Variants in MID1 observed in about 807,000 individuals in gnomAD.
The protein encoded by MID1 is midline 1.
In MID1, 7 loss-of-function variants were observed where a neutral mutation model predicts 40.4. The ratio of observed to expected loss-of-function variants is 0.17; its 90% CI spans 0.10 to 0.33. MID1 has a LOEUF of 0.33. Among genes scored for constraint, MID1 ranks in the 10% least tolerant of loss-of-function variants. The pLI, the probability that MID1 is intolerant of heterozygous loss-of-function variation, is 1.00. For synonymous variants in MID1, 229 were observed against 221.2 expected, an observed-to-expected ratio of 1.04 and a Z score of -0.31; for missense variants, 367 against 558.5, an observed-to-expected ratio of 0.66 and a Z score of 3.46.
chrX:10,451,344 C>T (rs1045237412), intron 9 of MID1, among the ~76,000 whole-genome samples: 5 of 111,405 alleles, frequency 4.5e-5, no homozygotes, highest in South Asian at 3.8e-4. Context: ...AGACAGTAGA[C>T]GTGCGGTTGG....
intron 1 of MID1, among the ~76,000 whole-genome samples, chrX:10,697,755 T>C (rs769617491): frequency 1.8e-5 from 2 of 111,467 alleles, no homozygotes; most frequent in South Asian, 7.6e-4. Context: ...ATGTGGTGTA[T>C]GGTGATTGAA....
At chrX:10,813,186 A>G (rs1368915885) in intron 1 of MID1, among the ~76,000 whole-genome samples, 1 of 110,627 alleles carries the variant, frequency 9.0e-6, no homozygotes, top group South Asian at 3.9e-4. Context: ...TTATGGAGAA[A>G]GTGCAAAAAT....
chrX:10,666,271 C>T (rs2042950382), intron 1 of MID1, among the ~76,000 whole-genome samples: 1 of 110,493 alleles, frequency 9.1e-6, no homozygotes, highest in Non-Finnish European at 1.9e-5. Context: ...TGATGTCTTT[C>T]CCCTAGGATT....
chrX:10,501,730 G>C (rs1302427382), intron 3 of MID1, among the ~76,000 whole-genome samples: 1 of 111,660 alleles, frequency 9.0e-6, no homozygotes, highest in African/African-American at 3.3e-5. Flanking sequence ...AGTTGCTACT[G>C]GGTGCACGGT....
intron 1 of MID1, among the ~76,000 whole-genome samples, chrX:10,686,597 A>G (rs191577465): frequency 1.8e-5 from 2 of 112,172 alleles, no homozygotes; most frequent in African/African-American, 6.5e-5. Context: ...TCCCAACACT[A>G]TTATAAAAAA....
In MID1 at chrX:10,461,138, T is replaced by TACACACACACACACACACACAC. The variant is rs200040870; in HGVS notation, c.1286-1353_1286-1332dup. ...TATATCATCTAAAGATATCTAAAGA[T>TACACACACACACACACACACAC]ACACACACACACACACACACACACA... On this transcript the variant is annotated intron_variant, in intron 7 of 9. Transcript: ENST00000317552. Among the ~76,000 whole-genome samples the TACACACACACACACACACACAC allele has an allele frequency of 4.8e-3, 467 of 96,716 alleles. 5 individuals are homozygous for TACACACACACACACACACACAC. Among genetic ancestry groups the TACACACACACACACACACACAC allele is most frequent in the African/African-American group, 8.8e-3 (224 of 25,549 alleles). The allele number at this position is 96,716 out of a possible 115,157, so 84.0% of individuals were successfully genotyped here.
Position 10,609,695 on chromosome X carries a change from TTTTCTTTC to T in MID1, c.-57+10587_-57+10594del, listed in dbSNP as rs1201943270. On this transcript the variant is annotated intron_variant, in intron 1 of 9. Transcript: ENST00000317552. ...AAACATCGTTGTACTAGACCTGGCA[TTTTCTTTC>T]TTTCTTTCTTTCTTTTTTTTTTTTT... Among the ~76,000 whole-genome samples the T allele has an allele frequency of 7.6e-3, 824 of 107,737 alleles. 9 individuals carry two copies. The highest frequency in any genetic ancestry group is 0.013 in the Non-Finnish European group (657 of 52,212). 93.6% of individuals were successfully genotyped at this position (107,737 alleles called of 115,157 possible).
At chrX:10,657,745 C>T (rs182371470) in intron 1 of MID1, among the ~76,000 whole-genome samples, 9 of 112,317 alleles carry the variant, frequency 8.0e-5, no homozygotes, top group East Asian at 5.6e-4. Context: ...TATGGTTCTT[C>T]GTCCAAAAGC....
intron 3 of MID1, among the ~76,000 whole-genome samples, chrX:10,519,909 G>C (rs1443623622): frequency 8.9e-6 from 1 of 112,099 alleles, no homozygotes; most frequent in African/African-American, 3.2e-5. Context: ...TAAAAGCACA[G>C]ACTTTACAAA....
intron 8 of MID1, among the ~76,000 whole-genome samples, chrX:10,455,937 G>A (rs1928637893): frequency 8.9e-6 from 1 of 111,968 alleles, no homozygotes; most frequent in African/African-American, 3.2e-5. Context: ...CTTCTTCTTT[G>A]ACAATTCAAT....
At chrX:10,765,926 AGGAAAGGAAAGGAAAG>A (rs1416099092) in intron 1 of MID1, among the ~76,000 whole-genome samples, 2 of 90,616 alleles carry the variant, frequency 2.2e-5, no homozygotes, top group African/African-American at 9.9e-5. Context: ...AAAGAAAGAA[AGGAAAGGAAAGGAAAG>A]GAAAGAAAGA....
intron 1 of MID1, among the ~76,000 whole-genome samples, chrX:10,704,739 TACACAC>T (rs1189463440): frequency 9.7e-5 from 8 of 82,182 alleles, no homozygotes; most frequent in East Asian, 3.5e-4. Flanking sequence ...TATATATATA[TACACAC>T]ACACACACAC....
At chrX:10,831,277 C>A (rs1042621093) in intron 1 of MID1, among the ~76,000 whole-genome samples, 1 of 112,023 alleles carries the variant, frequency 8.9e-6, no homozygotes, top group Non-Finnish European at 1.9e-5. Context: ...TTGCAGCAAA[C>A]CATACTTCAT....
intron 1 of MID1, among the ~76,000 whole-genome samples, chrX:10,822,218 C>T (rs1185654682): frequency 1.8e-5 from 2 of 111,235 alleles, no homozygotes; most frequent in Non-Finnish European, 3.8e-5. Context: ...TTTGACAAAC[C>T]TGACAAAAAC....
At chrX:10,748,342 G>T (rs1425684118) in intron 1 of MID1, among the ~76,000 whole-genome samples, 1 of 111,672 alleles carries the variant, frequency 9.0e-6, no homozygotes, top group Admixed American at 9.5e-5. Context: ...GATTTATTAG[G>T]TATACTTTGT....
At chrX:10,770,649 A>G (rs185455522) in intron 1 of MID1, among the ~76,000 whole-genome samples, 75 of 112,370 alleles carry the variant, frequency 6.7e-4, no homozygotes, top group African/African-American at 2.4e-3. Flanking sequence ...GACCCAGGAG[A>G]AATGTCCCTT....
At chrX:10,563,179 C>T (rs1336051585) in intron 2 of MID1, among the ~76,000 whole-genome samples, 1 of 111,726 alleles carries the variant, frequency 9.0e-6, no homozygotes, top group African/African-American at 3.2e-5. Context: ...TTAATTTGAA[C>T]TTTTAAATCA....
chrX:10,593,071 G>A (rs1935341795), intron 1 of MID1, among the ~76,000 whole-genome samples: 1 of 111,680 alleles, frequency 9.0e-6, no homozygotes, highest in African/African-American at 3.3e-5. Flanking sequence ...CTTCTTCCTT[G>A]TATTTCACAA....
chrX:10,680,389 T>A (rs935943009), intron 1 of MID1, among the ~76,000 whole-genome samples: 2 of 112,208 alleles, frequency 1.8e-5, no homozygotes, highest in African/African-American at 6.5e-5. Flanking sequence ...GGAAGCAGAC[T>A]TCAGTAAGAC....
Sources: allele counts gnomAD v4.1 joint callset (sites outside exome capture counted in the v4.1 genomes callset), GRCh38; gene constraint gnomAD v4.1.1; transcripts MANE v1.5; gene names NCBI Gene and HGNC (gene_info 2026-07-23, HGNC 2026-07-21).